The following RAD54B variants were observed in gnomAD, a reference collection of about 807,000 sequenced individuals.
RAD54B encodes RAD54 homolog B, also known as DNA repair and recombination protein RAD54B.
RAD54B carries 78 observed loss-of-function variants against 95.8 expected under a neutral mutation model. The observed-to-expected ratio is 0.81, with a 90% confidence interval of 0.68 to 0.98. The LOEUF (loss-of-function observed/expected upper bound fraction) is 0.98. Ranked by LOEUF, RAD54B falls within the 50% of genes least tolerant of loss-of-function variation. The probability of loss-of-function intolerance (pLI) is 0.00; values close to 1 mark genes in which losing one functional copy is unlikely to be tolerated. For missense variants in RAD54B, 957 were observed against 1,056.6 expected (o/e 0.91, Z 1.31); for synonymous variants, 328 against 354.9 (o/e 0.92, Z 0.85).
intron 3 of RAD54B, among the ~76,000 whole-genome samples, chr8:94,434,909 A>G (rs944768028): frequency 6.6e-6 from 1 of 151,642 alleles, no homozygotes; most frequent in East Asian, 1.9e-4. Flanking sequence ...TGAATATTGT[A>G]AATATTCACA....
intron 3 of RAD54B, among the ~76,000 whole-genome samples, chr8:94,423,948 C>T (rs780669478): frequency 3.3e-5 from 5 of 152,006 alleles, no homozygotes; most frequent in Non-Finnish European, 7.4e-5. Flanking sequence ...CCCTAAAGAG[C>T]GGGTAAAAAG....
At chr8:94,419,010 TCTC>T (rs1811737213) in intron 3 of RAD54B, among the ~76,000 whole-genome samples, 1 of 152,074 alleles carries the variant, frequency 6.6e-6, no homozygotes, top group South Asian at 2.1e-4. Flanking sequence ...TTTGCTAGAC[TCTC>T]CTAATTTCAC....
intron 3 of RAD54B, among the ~76,000 whole-genome samples, chr8:94,418,240 T>A (rs1811721391): frequency 6.6e-6 from 1 of 152,182 alleles, no homozygotes; most frequent in South Asian, 2.1e-4. Flanking sequence ...TCATATTCAA[T>A]CTGTGCATCT....
At chr8:94,442,467 C>T (rs949412551) in intron 3 of RAD54B, among the ~76,000 whole-genome samples, 9 of 150,796 alleles carry the variant, frequency 6.0e-5, no homozygotes, top group African/African-American at 2.0e-4. Flanking sequence ...CCCAGCTACT[C>T]GGGAGGCTGA....
At chr8:94,383,013 G>A (rs1056145970) in intron 11 of RAD54B, among the ~76,000 whole-genome samples, 4 of 152,018 alleles carry the variant, frequency 2.6e-5, no homozygotes, top group Non-Finnish European at 4.4e-5. Flanking sequence ...AAAGTCCCAG[G>A]ATGCCGGGCA....
At chr8:94,438,117 G>A (rs1586023789) in intron 3 of RAD54B, among the ~76,000 whole-genome samples, 1 of 152,158 alleles carries the variant, frequency 6.6e-6, no homozygotes, top group African/African-American at 2.4e-5. Context: ...AATCAAAAAT[G>A]AATCTAGATA....
rs147802149 is a variant in RAD54B, at chr8:94,403,324, A to G, written c.944+753T>C. On this transcript the variant is annotated intron_variant, in intron 6 of 14. Coordinates refer to ENST00000336148, the MANE Select transcript of RAD54B (RefSeq NM_012415.3). ...TACTATTCTTTAATCAGAAAATGCA[A>G]AAAGGAAGAAGAAACTTTTTTCTAT... is the stretch of plus-strand genomic sequence containing the variant. 5.3e-3 allele frequency among the ~76,000 whole-genome samples: 810 copies of G among 152,286 alleles called. 6 individuals are homozygous for G. The highest frequency in any genetic ancestry group is 0.019 in the African/African-American group (782 of 41,564).
intron 6 of RAD54B, 80 bp from the exon 7 acceptor site, chr8:94,400,543 G>A: frequency 8.4e-7 from 1 of 1,186,248 alleles, no homozygotes; most frequent in Non-Finnish European, 1.2e-6. Flanking sequence ...ACCAGAAACT[G>A]ATATTTTGTA....
At chr8:94,426,881 C>G (rs565118840) in intron 3 of RAD54B, among the ~76,000 whole-genome samples, 2 of 152,230 alleles carry the variant, frequency 1.3e-5, no homozygotes, top group East Asian at 3.9e-4. Flanking sequence ...AAATAGTGAA[C>G]TCTAGTAATA....
At chr8:94,372,409 G>A (rs1810462848) in intron 14 of RAD54B, 22 bp from the exon 15 acceptor site, 1 of 1,607,692 alleles carries the variant, frequency 6.2e-7, no homozygotes. Context: ...AAAACAATGA[G>A]AAAATCCTTA....
chr8:94,407,523 T>C lies in RAD54B; in HGVS notation c.697A>G (p.Lys233Glu). ...TTTGAACTTGGTTTACAAACACTTT[T>C]GAAAGGGTTAGAGAAACATTTCCTG... ...VARKCFSNPF[K>E]SVCKPSSKEN... The change falls in exon 5 of 15, where the codon AAA (lysine) becomes GAA (glutamate). Residue 233 changes from lysine (K) to glutamate (E), a missense_variant. Lys to Glu is a moderately conservative substitution (Grantham distance 56). Coordinates refer to ENST00000336148, the MANE Select transcript of RAD54B (RefSeq NM_012415.3). 3.7e-6 allele frequency: 6 copies of C among 1,614,042 alleles called. No individual in the cohort carries two copies. Among genetic ancestry groups the C allele is most frequent in the Non-Finnish European group, 5.1e-6 (6 of 1,179,920 alleles).
At chr8:94,461,160 CTTTTTTTTTTTTTTT>C (rs57563259) in intron 2 of RAD54B, among the ~76,000 whole-genome samples, 4 of 59,982 alleles carry the variant, frequency 6.7e-5, no homozygotes, top group African/African-American at 3.1e-4. Context: ...AAATACTCAT[CTTTTTTTTTTTTTTT>C]TTTTTTTTTT....
intron 8 of RAD54B, among the ~76,000 whole-genome samples, chr8:94,397,458 G>A (rs1238513995): frequency 1.3e-5 from 2 of 151,998 alleles, no homozygotes; most frequent in Non-Finnish European, 2.9e-5. Context: ...AGCTAAGATT[G>A]ACAAAGGATA....
intron 3 of RAD54B, among the ~76,000 whole-genome samples, chr8:94,417,701 T>A (rs1402933700): frequency 6.6e-6 from 1 of 151,576 alleles, no homozygotes. Flanking sequence ...AGAAGACATA[T>A]GTCTGGAAAA....
chr8:94,419,730 C>G (rs1306097504), intron 3 of RAD54B, among the ~76,000 whole-genome samples: 1 of 137,070 alleles, frequency 7.3e-6, no homozygotes, highest in African/African-American at 2.8e-5. Context: ...CCTCTTCTCT[C>G]ACAGCCTGGC....
At chr8:94,425,231 T>C (rs1383869808) in intron 3 of RAD54B, among the ~76,000 whole-genome samples, 1 of 82,962 alleles carries the variant, frequency 1.2e-5, no homozygotes, top group Non-Finnish European at 2.9e-5. Context: ...TTAATATTCT[T>C]TTTTTTTTTT....
chr8:94,378,287 T>C lies in RAD54B; in HGVS notation c.2408A>G (p.Gln803Arg). 1.2e-6 allele frequency: 2 copies of C among 1,613,890 alleles called. No individual in the cohort carries two copies. The highest frequency in any genetic ancestry group is 8.5e-7 in the Non-Finnish European group (1 of 1,179,902). The part of the protein sequence containing the change: ...VDLTKTSEHI[Q>R]FSVEELKNLF... ...ATTTTTAAGTTCTTCTACTGAAAAC[T>C]GAATATGTTCAGATGTCTTGGTGAG... The change falls in exon 14 of 15, where the codon CAG (glutamine) becomes CGG (arginine). Residue 803 changes from glutamine (Q) to arginine (R), a missense_variant. Gln to Arg is a conservative substitution (Grantham distance 43, BLOSUM62 1). Coordinates refer to ENST00000336148, the MANE Select transcript of RAD54B (RefSeq NM_012415.3).
intron 3 of RAD54B, among the ~76,000 whole-genome samples, chr8:94,455,433 G>A (rs1812757840): frequency 6.6e-6 from 1 of 152,210 alleles, no homozygotes; most frequent in East Asian, 1.9e-4. Context: ...GCATGTCACA[G>A]TTTTGTGAAG....
chr8:94,396,387 CAA>C (rs112302212), intron 8 of RAD54B, among the ~76,000 whole-genome samples: 13 of 132,378 alleles, frequency 9.8e-5, no homozygotes, highest in South Asian at 7.2e-4. Context: ...CCTATCCCTA[CAA>C]AAAAAAAAAA....
Sources: allele counts gnomAD v4.1 joint callset (sites outside exome capture counted in the v4.1 genomes callset), GRCh38; gene constraint gnomAD v4.1.1; transcripts MANE v1.5; gene names NCBI Gene and HGNC (gene_info 2026-07-23, HGNC 2026-07-21).